Variants in RUNX1 observed in about 807,000 individuals in gnomAD.
RUNX1 encodes RUNX family transcription factor 1.
Under a neutral mutation model 42.8 loss-of-function variants are expected in RUNX1, and 19 were observed. The observed-to-expected ratio is 0.44, with a 90% CI of 0.31 to 0.65. The LOEUF (loss-of-function observed/expected upper bound fraction) is 0.65, where lower values mean the gene tolerates loss of function less well. Ranked by LOEUF, RUNX1 falls within the 30% of genes least tolerant of loss-of-function variation. The pLI is 0.07. For missense variants in RUNX1, 528 were observed against 672.0 expected (o/e 0.79, Z 2.37); for synonymous variants, 271 against 289.4 (o/e 0.94, Z 0.64).
Position 35,027,170 on chromosome 21 carries a change from A to G in RUNX1, c.58+21672T>C, listed in dbSNP as rs371974567. On this transcript the variant is annotated intron_variant, in intron 2 of 8. Transcript: ENST00000675419. ...GGCGAAGGGAGGGGGTGAAGCCCGC[A>G]CCCTACCCCCACATGAAACTGATTC... is the stretch of plus-strand genomic sequence containing the variant. Among the ~76,000 whole-genome samples the G allele has an allele frequency of 6.6e-5, 10 of 152,162 alleles. No individual in the cohort carries two copies. In the East Asian group the frequency reaches 7.7e-4, roughly 12 times the overall value.
At chr21:34,991,273 C>T (rs558350681) in intron 2 of RUNX1, among the ~76,000 whole-genome samples, 8 of 152,032 alleles carry the variant, frequency 5.3e-5, no homozygotes, top group Non-Finnish European at 8.8e-5. Flanking sequence ...GAAATTCCCT[C>T]GGTCCTCTCT....
intron 7 of RUNX1, among the ~76,000 whole-genome samples, chr21:34,800,135 A>G (rs1162630428): frequency 6.6e-6 from 1 of 152,208 alleles, no homozygotes; most frequent in African/African-American, 2.4e-5. Context: ...GCAACTTTTA[A>G]AAGTCAGAGT....
At chr21:34,856,695 T>C (rs1411100952) in intron 6 of RUNX1, among the ~76,000 whole-genome samples, 1 of 152,210 alleles carries the variant, frequency 6.6e-6, no homozygotes, top group Admixed American at 6.5e-5. Context: ...CTAGCTCTCA[T>C]TGTCTTTGAT....
At chr21:35,048,519 G>C (rs1249058391) in intron 2 of RUNX1, among the ~76,000 whole-genome samples, 2 of 152,202 alleles carry the variant, frequency 1.3e-5, no homozygotes, top group Non-Finnish European at 2.9e-5. Context: ...AAAACCCAGG[G>C]AGCTTCGTGC....
intron 2 of RUNX1, among the ~76,000 whole-genome samples, chr21:34,948,541 T>C (rs1003154734): frequency 6.6e-6 from 1 of 152,174 alleles, no homozygotes; most frequent in Non-Finnish European, 1.5e-5. Context: ...CACAGGCATT[T>C]GCTCTGGGGC....
chr21:34,866,152 G>T (rs1230214359), intron 5 of RUNX1, among the ~76,000 whole-genome samples: 1 of 152,296 alleles, frequency 6.6e-6, no homozygotes, highest in Admixed American at 6.5e-5. Context: ...CCTTTGTCAC[G>T]CAAAGGAAGG....
intron 2 of RUNX1, among the ~76,000 whole-genome samples, chr21:34,969,643 C>T (rs761378125): frequency 3.3e-5 from 5 of 151,846 alleles, no homozygotes; most frequent in Non-Finnish European, 5.9e-5. Context: ...GCCAGGAACA[C>T]GGACCCATGC....
At chr21:34,876,850 ATTTC>A (rs906833712) in intron 5 of RUNX1, among the ~76,000 whole-genome samples, 2 of 140,232 alleles carry the variant, frequency 1.4e-5, no homozygotes, top group African/African-American at 2.6e-5. Flanking sequence ...CATTGCTAAA[ATTTC>A]TTTTTCTTTT....
chr21:35,024,436 T>C (rs1276552570), intron 2 of RUNX1, among the ~76,000 whole-genome samples: 3 of 152,240 alleles, frequency 2.0e-5, no homozygotes, highest in East Asian at 1.9e-4. Context: ...CTCTCTCTCA[T>C]AGCAACCTAA....
chr21:34,891,897 AAACAGT>A (rs1029361060), intron 3 of RUNX1, among the ~76,000 whole-genome samples: 6 of 152,122 alleles, frequency 3.9e-5, no homozygotes, highest in African/African-American at 1.4e-4. Context: ...TTTCATTGGA[AAACAGT>A]AACAGTGCAT....
Position 35,045,620 on chromosome 21 carries a change from C to T in RUNX1, c.58+3222G>A, listed in dbSNP as rs376592834. Among the ~76,000 whole-genome samples the T allele has an allele frequency of 2.1e-4, 32 of 152,124 alleles. No individual in the cohort carries two copies. In the South Asian group the frequency reaches 5.8e-3, roughly 28 times the overall value. On this transcript the variant is annotated intron_variant, in intron 2 of 8. Transcript: ENST00000675419. Reference sequence around the variant, plus strand: ...AGGCCTCACCAGAAATCAGCCTTGCCGACACCTTGATCTCACACCTCCAGT... The same window carrying T: ...AGGCCTCACCAGAAATCAGCCTTGCTGACACCTTGATCTCACACCTCCAGT...
intron 6 of RUNX1, among the ~76,000 whole-genome samples, chr21:34,857,385 A>G (rs985537655): frequency 6.6e-6 from 1 of 152,234 alleles, no homozygotes; most frequent in African/African-American, 2.4e-5. Flanking sequence ...CTTAAAAGTC[A>G]GAGTCGCCAC....
intron 3 of RUNX1, chr21:34,889,936 C>A: frequency 1.1e-6 from 1 of 875,566 alleles, no homozygotes; most frequent in Non-Finnish European, 1.4e-6. Flanking sequence ...CGGCCCCGTT[C>A]CACCGCGGGC....
intron 2 of RUNX1, among the ~76,000 whole-genome samples, chr21:34,993,754 GAC>G (rs138606142): frequency 2.1e-5 from 1 of 48,042 alleles, no homozygotes; most frequent in East Asian, 4.7e-4. Context: ...CACACACACA[GAC>G]ACACACAGGC....
chr21:35,027,863 C>T (rs927134865), intron 2 of RUNX1, among the ~76,000 whole-genome samples: 2 of 152,132 alleles, frequency 1.3e-5, no homozygotes, highest in Non-Finnish European at 2.9e-5. Flanking sequence ...AATTTGGAGC[C>T]CATATTTGAA....
chr21:34,996,998 T>G (rs1014293520), intron 2 of RUNX1, among the ~76,000 whole-genome samples: 1 of 152,250 alleles, frequency 6.6e-6, no homozygotes, highest in Non-Finnish European at 1.5e-5. Context: ...TCAGAACTTA[T>G]GATTCCTTTT....
intron 8 of RUNX1, chr21:34,798,182 C>G: frequency 2.2e-6 from 1 of 454,458 alleles, no homozygotes; most frequent in Non-Finnish European, 4.4e-6. Flanking sequence ...TAATTTGATC[C>G]CAAGAGCTGA....
chr21:34,827,822 T>C (rs2057010192), intron 7 of RUNX1, among the ~76,000 whole-genome samples: 1 of 152,212 alleles, frequency 6.6e-6, no homozygotes, highest in Non-Finnish European at 1.5e-5. Flanking sequence ...ATACATGCTG[T>C]GGAAGCATGG....
chr21:34,939,465 C>T (rs190434322), intron 2 of RUNX1, among the ~76,000 whole-genome samples: 24 of 152,274 alleles, frequency 1.6e-4, no homozygotes, highest in East Asian at 5.8e-4. Flanking sequence ...GAAAGTTACA[C>T]GTTCATAGCA....
Sources: gnomAD v4.1 joint callset for allele counts (sites outside exome capture counted in the v4.1 genomes callset) on GRCh38, gnomAD v4.1.1 for gene constraint, MANE v1.5 for transcripts, NCBI Gene and HGNC (gene_info 2026-07-23, HGNC 2026-07-21) for gene names.